The following POT1 variants were observed in gnomAD, a reference collection of about 807,000 sequenced individuals.
POT1 encodes the protein protection of telomeres 1.
Under a neutral mutation model 78.5 loss-of-function variants are expected in POT1, and 47 were observed. That is an observed-to-expected ratio of 0.60 (90% confidence interval 0.47 to 0.76). The LOEUF is 0.76. Ranked by LOEUF, POT1 falls within the 30% of genes least tolerant of loss-of-function variation. The probability of loss-of-function intolerance (pLI) is 0.00; values close to 1 mark genes in which losing one functional copy is unlikely to be tolerated. For synonymous variants in POT1, 259 were observed against 260.7 expected, an observed-to-expected ratio of 0.99 and a Z score of 0.06; for missense variants, 646 against 749.9, an observed-to-expected ratio of 0.86 and a Z score of 1.62.
intron 12 of POT1, chr7:124,843,219 C>A: frequency 3.8e-6 from 1 of 266,514 alleles, no homozygotes; most frequent in Non-Finnish European, 7.0e-6. Flanking sequence ...AGTAACTTAA[C>A]TGCCTAGTAA....
At chr7:124,895,211 G>A (rs1292737871) in intron 5 of POT1, among the ~76,000 whole-genome samples, 1 of 151,556 alleles carries the variant, frequency 6.6e-6, no homozygotes, top group Non-Finnish European at 1.5e-5. Flanking sequence ...GCCACACACA[G>A]CTAGTTGCTC....
chr7:124,858,683 C>T (rs1361064162), intron 9 of POT1: 1 of 212,892 alleles, frequency 4.7e-6, no homozygotes, highest in East Asian at 1.0e-4. Flanking sequence ...TATTATCTCA[C>T]ACAACAAAAT....
At chr7:124,854,071 A>G (rs1325193739) in intron 9 of POT1, among the ~76,000 whole-genome samples, 1 of 151,950 alleles carries the variant, frequency 6.6e-6, no homozygotes, top group Non-Finnish European at 1.5e-5. Flanking sequence ...TGAATAACAG[A>G]CATCTTACAT....
At chr7:124,914,270 T>C (rs1312526767) in intron 3 of POT1, among the ~76,000 whole-genome samples, 1 of 152,134 alleles carries the variant, frequency 6.6e-6, no homozygotes, top group Non-Finnish European at 1.5e-5. Context: ...CTGGGAAGCC[T>C]GAGTACTCAG....
At chr7:124,844,990 C>G (rs1184656285) in intron 12 of POT1, among the ~76,000 whole-genome samples, 1 of 152,160 alleles carries the variant, frequency 6.6e-6, no homozygotes, top group East Asian at 1.9e-4. Flanking sequence ...TTATCTGTCT[C>G]TCACCACATA....
At chr7:124,846,817 A>G in intron 12 of POT1, 125 bp downstream of exon 12, 1 of 609,296 alleles carries the variant, frequency 1.6e-6, no homozygotes, top group Admixed American at 3.4e-5. Flanking sequence ...TTAAATATGG[A>G]CATATTTTAG....
chr7:124,848,057 T>C (rs1795213681), intron 11 of POT1, among the ~76,000 whole-genome samples: 1 of 152,154 alleles, frequency 6.6e-6, no homozygotes, highest in African/African-American at 2.4e-5. Flanking sequence ...AAACTAATGA[T>C]ATATGCAACA....
At position 124,892,251 on chromosome 7, in the gene POT1, A is replaced by G. The variant is rs368386396; in HGVS notation, c.124+15T>C. 4.1e-6 allele frequency: 6 copies of G among 1,453,668 alleles called. No individual in the cohort carries two copies. Among genetic ancestry groups the G allele is most frequent in the African/African-American group, 1.5e-5 (1 of 67,318 alleles). The allele number at this position is 1,453,668 out of a possible 1,614,324, so 90.0% of individuals were successfully genotyped here. A position where few individuals can be genotyped will look rare whatever the true frequency, so the allele number is the denominator to read the frequency against. ...CATTTCCACTCCAAAAAACTCCACC[A>G]GTTTTAATACCTACCAGTTCCTTTG... On this transcript the variant is annotated intron_variant, in intron 6 of 18. Transcript: ENST00000357628.
intron 9 of POT1, among the ~76,000 whole-genome samples, chr7:124,854,996 C>T (rs1461717472): frequency 6.6e-6 from 1 of 151,294 alleles, no homozygotes; most frequent in Non-Finnish European, 1.5e-5. Context: ...ATGATAATTT[C>T]CTCCAAATTA....
In POT1 at chr7:124,827,227, T is replaced by C. The variant is rs2116414736; in HGVS notation, c.1673A>G (p.Tyr558Cys). ...LDDGTGVLEA[Y>C]LMDSDKFFQI... is the part of the protein sequence containing the mutation. ...TCTGATACTTACAGAATCCATGAGA[T>C]AGGCTTCTAGTACTCCTGTTCCATC... The change falls in exon 17 of 19, where the codon TAT (tyrosine) becomes TGT (cysteine). Residue 558 changes from tyrosine (Y) to cysteine (C), a missense_variant. Transcript: ENST00000357628. 1.9e-6 allele frequency: 3 copies of C among 1,540,784 alleles called. No homozygotes were observed. Among genetic ancestry groups the C allele is most frequent in the South Asian group, 1.2e-5 (1 of 81,930 alleles).
intron 9 of POT1, among the ~76,000 whole-genome samples, chr7:124,855,218 C>CAAAAAAAAAAAAAAA (rs550056711): frequency 1.9e-5 from 1 of 52,492 alleles, no homozygotes. Flanking sequence ...GAGAGGAGAG[C>CAAAAAAAAAAAAAAA]AAAAAAAAAA....
chr7:124,910,314 A>C (rs1040650064), intron 3 of POT1, among the ~76,000 whole-genome samples: 11 of 151,930 alleles, frequency 7.2e-5, no homozygotes, highest in Non-Finnish European at 1.3e-4. Context: ...TAATACTACC[A>C]TGAGGTAAGA....
chr7:124,844,117 G>A (rs893771029), intron 12 of POT1, among the ~76,000 whole-genome samples: 1 of 142,936 alleles, frequency 7.0e-6, no homozygotes, highest in African/African-American at 2.5e-5. Context: ...TGTTGTGGTG[G>A]CGATTGTGGT....
At chr7:124,881,092 C>T (rs7796015) in intron 6 of POT1, among the ~76,000 whole-genome samples, 94,051 of 151,754 alleles carry the variant, frequency 0.62, 29,462 homozygotes, top group African/African-American at 0.71. Context: ...GATGGGGATA[C>T]GTTCTAAGAG....
chr7:124,899,711 A>G (rs918576191), intron 3 of POT1, among the ~76,000 whole-genome samples: 6 of 149,600 alleles, frequency 4.0e-5, no homozygotes, highest in Admixed American at 6.8e-5. Flanking sequence ...AGGGAAGCCA[A>G]CAGTTTATCA....
At position 124,846,950 on chromosome 7, in the gene POT1, G is replaced by C. The variant is rs962144004; in HGVS notation, c.998C>G (p.Ser333Cys). ...ATGATACATAGTCTTACTTGTAGCA[G>C]ATAGCTGTTGACATCTTTCTACCTC... ...LYEVERCQQL[S>C]ATILTDHQYL... Residue 333 changes from serine to cysteine, a missense_variant, in exon 12 of 19, where the codon TCT becomes TGT. Coordinates refer to ENST00000357628, the MANE Select transcript of POT1 (RefSeq NM_015450.3). 1 of 1,598,734 alleles carries C rather than the reference G, an allele frequency of 6.3e-7. No homozygotes were observed.
At position 124,822,607 on chromosome 7, in the gene POT1, C is replaced by A. The variant is rs17246404; in HGVS notation, c.*1355G>T. On this transcript the variant is annotated 3_prime_UTR_variant, in exon 19 of 19. Transcript: ENST00000357628. ...TTGTATCCTGAGCACATCATCAACA[C>A]GGAAACACACCTGTTCAACTGTAGG... 1.2e-4 allele frequency: 54 copies of A among 444,938 alleles called. No homozygotes were observed. Among genetic ancestry groups the A allele is most frequent in the Admixed American group, 1.1e-3 (47 of 42,228 alleles). 27.6% of individuals were successfully genotyped at this position (444,938 alleles called of 1,614,324 possible).
At chr7:124,862,023 G>A (rs1795610251) in intron 8 of POT1, among the ~76,000 whole-genome samples, 1 of 152,182 alleles carries the variant, frequency 6.6e-6, no homozygotes, top group African/African-American at 2.4e-5. Context: ...AGTACAGGTT[G>A]AAGTCAGGTA....
At chr7:124,901,141 A>T (rs1016492613) in intron 3 of POT1, among the ~76,000 whole-genome samples, 1 of 152,200 alleles carries the variant, frequency 6.6e-6, no homozygotes, top group African/African-American at 2.4e-5. Flanking sequence ...ACAGCTTTGA[A>T]GAGAGCAGTG....
Sources: gnomAD v4.1 joint callset for allele counts (sites outside exome capture counted in the v4.1 genomes callset) on GRCh38, gnomAD v4.1.1 for gene constraint, MANE v1.5 for transcripts, NCBI Gene and HGNC (gene_info 2026-07-23, HGNC 2026-07-21) for gene names.